Variants in DOCK3 observed in about 807,000 individuals in gnomAD.
DOCK3 encodes the protein dedicator of cytokinesis 3, also known as dedicator of cytokinesis protein 3.
Under a neutral mutation model 265.6 loss-of-function variants are expected in DOCK3, and 60 were observed. The observed-to-expected ratio is 0.23, with a 90% CI of 0.18 to 0.28. The LOEUF (loss-of-function observed/expected upper bound fraction) is 0.28, where lower values mean the gene tolerates loss of function less well. Ranked by LOEUF, DOCK3 falls within the 10% of genes least tolerant of loss-of-function variation. DOCK3 has a pLI of 1.00. For synonymous variants in DOCK3, 881 were observed against 938.0 expected (o/e 0.94, Z 1.11); for missense variants, 1,981 against 2,594.3 (o/e 0.76, Z 5.14).
At chr3:50,904,702 A>C (rs1475012966) in intron 4 of DOCK3, among the ~76,000 whole-genome samples, 1 of 152,018 alleles carries the variant, frequency 6.6e-6, no homozygotes, top group Non-Finnish European at 1.5e-5. Context: ...AGATTGCAAA[A>C]ATTTTTTCCC....
At chr3:50,756,061 T>G (rs1240166514) in intron 1 of DOCK3, among the ~76,000 whole-genome samples, 1 of 152,182 alleles carries the variant, frequency 6.6e-6, no homozygotes, top group Non-Finnish European at 1.5e-5. Flanking sequence ...CTTGAGGTTT[T>G]ATTTGCTGGC....
intron 12 of DOCK3, among the ~76,000 whole-genome samples, chr3:51,203,174 T>C (rs549893212): frequency 3.3e-5 from 5 of 152,022 alleles, no homozygotes; most frequent in South Asian, 2.1e-4. Flanking sequence ...CCAGGGCAAT[T>C]AGGCAGGAGA....
At chr3:51,357,526 A>G (rs112705455) in intron 44 of DOCK3, among the ~76,000 whole-genome samples, 1,543 of 152,260 alleles carry the variant, frequency 0.01, 39 homozygotes, top group African/African-American at 0.033. Context: ...AGGCTCCATG[A>G]GGGACTGGGG....
Position 51,350,296 on chromosome 3 carries a change from G to A in DOCK3, c.4011G>A (p.Glu1337=), listed in dbSNP as rs1401138605. The change falls in exon 40 of 53, where the codon GAG becomes GAA. Residue 1337 remains glutamate (E), a synonymous_variant. Transcript: ENST00000266037. ...ACCTTTCTCATTCACAGAAAATGGA[G>A]GCCAGCTACTATGACAACATTATGG... The part of the protein sequence containing the change: ...YQSLSWIRKM[E]ASYYDNIMEQ... 1.2e-6 allele frequency: 2 copies of A among 1,600,742 alleles called. No homozygotes were observed. Among genetic ancestry groups the A allele is most frequent in the South Asian group, 1.1e-5 (1 of 87,538 alleles).
intron 5 of DOCK3, among the ~76,000 whole-genome samples, chr3:50,945,518 G>A (rs1412021931): frequency 6.6e-6 from 1 of 152,008 alleles, no homozygotes; most frequent in Non-Finnish European, 1.5e-5. Flanking sequence ...TCTAAGAAAT[G>A]AACAATTTCT....
intron 9 of DOCK3, among the ~76,000 whole-genome samples, chr3:51,098,071 C>G (rs2082934456): frequency 6.6e-6 from 1 of 152,142 alleles, no homozygotes; most frequent in Admixed American, 6.5e-5. Flanking sequence ...ATCTTGCCAG[C>G]CACCGATCGG....
chr3:50,777,561 ATTTG>A (rs1461482848), intron 1 of DOCK3, among the ~76,000 whole-genome samples: 1 of 152,020 alleles, frequency 6.6e-6, no homozygotes, highest in African/African-American at 2.4e-5. Context: ...ATATGTTTCC[ATTTG>A]TTTGTGTCAT....
At chr3:50,790,737 C>T (rs2042428295) in intron 2 of DOCK3, among the ~76,000 whole-genome samples, 2 of 152,162 alleles carry the variant, frequency 1.3e-5, no homozygotes, top group Admixed American at 1.3e-4. Context: ...TTTTGCCTCA[C>T]AGCTCTTAAG....
chr3:51,149,134 GCT>G (rs1443598821), intron 10 of DOCK3, among the ~76,000 whole-genome samples: 4 of 151,942 alleles, frequency 2.6e-5, no homozygotes, highest in Admixed American at 6.6e-5. Flanking sequence ...TCATGATTTG[GCT>G]CTCTGTCTGT....
intron 5 of DOCK3, among the ~76,000 whole-genome samples, chr3:51,031,801 T>G (rs968125134): frequency 6.6e-6 from 1 of 152,124 alleles, no homozygotes; most frequent in African/African-American, 2.4e-5. Context: ...TGGATGAGAT[T>G]AATACCCCTA....
intron 2 of DOCK3, among the ~76,000 whole-genome samples, chr3:50,834,834 A>C (rs998577757): frequency 6.6e-6 from 1 of 152,178 alleles, no homozygotes; most frequent in African/African-American, 2.4e-5. Context: ...GTTATTCAAA[A>C]GGGGCAAACA....
rs549306312 is a variant in DOCK3, at chr3:50,712,674, T to G, written c.37+37374T>G. Among the ~76,000 whole-genome samples, 4 of 152,378 alleles carry G rather than the reference T, an allele frequency of 2.6e-5. No individual in the cohort carries two copies. In the South Asian group the frequency reaches 8.3e-4, roughly 32 times the overall value. On this transcript the variant is annotated intron_variant, in intron 1 of 52. Transcript: ENST00000266037. ...GATTTGACAGGTGGTAGTCTCATTT[T>G]TATTCATCTCAAAGTCTTTTCTGTT...
intron 5 of DOCK3, among the ~76,000 whole-genome samples, chr3:51,007,881 C>T (rs192787290): frequency 6.6e-6 from 1 of 152,248 alleles, no homozygotes; most frequent in African/African-American, 2.4e-5. Flanking sequence ...ATAGAGAATC[C>T]TTTCCCCGTT....
At chr3:50,839,559 T>G (rs2045700280) in intron 2 of DOCK3, among the ~76,000 whole-genome samples, 1 of 147,508 alleles carries the variant, frequency 6.8e-6, no homozygotes, top group Non-Finnish European at 1.5e-5. Flanking sequence ...AGTATCTCAT[T>G]GTTGTTTTAA....
intron 22 of DOCK3, among the ~76,000 whole-genome samples, chr3:51,248,259 G>A (rs1460135956): frequency 6.6e-6 from 1 of 152,192 alleles, no homozygotes; most frequent in Non-Finnish European, 1.5e-5. Flanking sequence ...AACAAAACAG[G>A]ACAGAGTGAG....
intron 5 of DOCK3, among the ~76,000 whole-genome samples, chr3:50,940,001 C>T (rs1358604535): frequency 6.6e-6 from 1 of 151,762 alleles, no homozygotes; most frequent in African/African-American, 2.4e-5. Flanking sequence ...GAAAAGAAAC[C>T]TTTTAGAATT....
chr3:51,041,180 A>G (rs867099307), intron 5 of DOCK3, among the ~76,000 whole-genome samples: 1 of 10,608 alleles, frequency 9.4e-5, no homozygotes, highest in Non-Finnish European at 1.8e-4. Context: ...ATATATATAT[A>G]TATATATATA....
intron 9 of DOCK3, among the ~76,000 whole-genome samples, chr3:51,145,744 T>C (rs2085271065): frequency 6.6e-6 from 1 of 152,180 alleles, no homozygotes; most frequent in Non-Finnish European, 1.5e-5. Flanking sequence ...TCAAGAGTTA[T>C]ATAAAACAGC....
intron 5 of DOCK3, among the ~76,000 whole-genome samples, chr3:51,042,029 T>G (rs1156725120): frequency 6.6e-6 from 1 of 152,188 alleles, no homozygotes; most frequent in Non-Finnish European, 1.5e-5. Context: ...TTATTTCTAC[T>G]GAAAACTATT....
Sources: allele counts gnomAD v4.1 joint callset (sites outside exome capture counted in the v4.1 genomes callset), GRCh38; gene constraint gnomAD v4.1.1; transcripts MANE v1.5; gene names NCBI Gene and HGNC (gene_info 2026-07-23, HGNC 2026-07-21).